The following HMCN1 variants were observed in gnomAD, a reference collection of about 807,000 sequenced individuals.
HMCN1 encodes hemicentin-1.
HMCN1 carries 321 observed loss-of-function variants against 625.9 expected under a neutral mutation model. That is an observed-to-expected ratio of 0.51 (90% CI 0.47 to 0.56). HMCN1 has a LOEUF of 0.56. Ranked by LOEUF, HMCN1 falls within the 20% of genes least tolerant of loss-of-function variation. The probability of loss-of-function intolerance (pLI) is 0.00; values close to 1 mark genes in which losing one functional copy is unlikely to be tolerated. For synonymous variants in HMCN1, 2,425 were observed against 2,417.6 expected (o/e 1.00, Z -0.09); for missense variants, 6,588 against 6,887.3 (o/e 0.96, Z 1.54).
At chr1:186,119,495 TA>T in intron 78 of HMCN1, among the ~76,000 whole-genome samples, 197 bp downstream of exon 78, 1 of 152,280 alleles carries the variant, frequency 6.6e-6, no homozygotes, top group African/African-American at 2.4e-5. Flanking sequence ...AACTCCAAAA[TA>T]ATTTTTCTTC....
chr1:185,828,259 CAG>C (rs925302799), intron 1 of HMCN1, among the ~76,000 whole-genome samples: 1 of 151,794 alleles, frequency 6.6e-6, no homozygotes, highest in Non-Finnish European at 1.5e-5. Context: ...ATGGATAAAA[CAG>C]GGAAAGAAAG....
chr1:185,864,444 A>G (rs370423546), intron 2 of HMCN1, 26 bp from the exon 3 acceptor site: 19 of 1,611,966 alleles, frequency 1.2e-5, no homozygotes, highest in Admixed American at 1.7e-5. Context: ...TGATGACGTA[A>G]TTGAATTTTT....
intron 5 of HMCN1, among the ~76,000 whole-genome samples, chr1:185,910,987 T>C (rs1198155258): frequency 6.6e-6 from 1 of 152,204 alleles, no homozygotes; most frequent in Non-Finnish European, 1.5e-5. Flanking sequence ...TTCCAACTAT[T>C]AGACACTTTA....
intron 2 of HMCN1, among the ~76,000 whole-genome samples, chr1:185,862,193 A>G (rs2102351117): frequency 6.6e-6 from 1 of 152,286 alleles, no homozygotes; most frequent in South Asian, 2.1e-4. Flanking sequence ...AGAAAGATAG[A>G]AAGATTATTT....
Position 185,838,110 on chromosome 1 carries a change from C to T in HMCN1, c.269-7916C>T, listed in dbSNP as rs559922397. Among the ~76,000 whole-genome samples the T allele has an allele frequency of 3.9e-5, 6 of 152,204 alleles. No individual in the cohort carries two copies. In the South Asian group the frequency reaches 6.2e-4, roughly 16 times the overall value. On this transcript the variant is annotated intron_variant, in intron 1 of 106. Coordinates refer to ENST00000271588, the MANE Select transcript of HMCN1 (RefSeq NM_031935.3). Reference sequence around the variant, plus strand: ...GTGGGCATCAGAAGGTTCTTCCTCACGATATAGGTTGTGCTTCACCTCTAG... The same window carrying T: ...GTGGGCATCAGAAGGTTCTTCCTCATGATATAGGTTGTGCTTCACCTCTAG...
chr1:185,782,292 CTT>C (rs1161579171), intron 1 of HMCN1, among the ~76,000 whole-genome samples: 3 of 152,114 alleles, frequency 2.0e-5, no homozygotes, highest in African/African-American at 4.8e-5. Flanking sequence ...GGTCTTGACT[CTT>C]TATCCAATTT....
intron 1 of HMCN1, among the ~76,000 whole-genome samples, chr1:185,793,230 G>T (rs937819397): frequency 6.6e-6 from 1 of 152,138 alleles, no homozygotes; most frequent in Non-Finnish European, 1.5e-5. Flanking sequence ...CAGTTCTAAA[G>T]GACAGAGGGT....
At chr1:186,164,191 G>A (rs6673945) in intron 97 of HMCN1, among the ~76,000 whole-genome samples, 21,385 of 151,250 alleles carry the variant, frequency 0.14, 2,710 homozygotes, top group African/African-American at 0.34. Flanking sequence ...GAGGTTTCTT[G>A]ACTAACCTGT....
intron 26 of HMCN1, among the ~76,000 whole-genome samples, chr1:186,000,535 C>T (rs970846273): frequency 1.4e-5 from 2 of 141,446 alleles, no homozygotes; most frequent in African/African-American, 2.7e-5. Flanking sequence ...AAGTTATCAG[C>T]GTGTAGGGTG....
chr1:185,756,141 G>A (rs566883184), intron 1 of HMCN1, among the ~76,000 whole-genome samples: 63 of 152,292 alleles, frequency 4.1e-4, no homozygotes, highest in African/African-American at 1.4e-3. Context: ...AATGGGTTTA[G>A]AATCTGGAGA....
chr1:186,115,527 C>T, intron 75 of HMCN1, 113 bp downstream of exon 75: 1 of 1,008,572 alleles, frequency 9.9e-7, no homozygotes. Flanking sequence ...AATTAGCTAG[C>T]ATATAGAGGG....
intron 74 of HMCN1, 126 bp from the exon 75 acceptor site, chr1:186,115,132 C>T: frequency 2.1e-6 from 3 of 1,400,800 alleles, no homozygotes; most frequent in Non-Finnish European, 3.0e-6. Flanking sequence ...TTAAAATTTG[C>T]AGAGTCTTGT....
At chr1:185,784,909 TC>T (rs1484761676) in intron 1 of HMCN1, among the ~76,000 whole-genome samples, 1 of 152,230 alleles carries the variant, frequency 6.6e-6, no homozygotes, top group African/African-American at 2.4e-5. Flanking sequence ...CAGCCATTGT[TC>T]TGATATCTGT....
rs114617970 is a variant in HMCN1, at chr1:186,102,506, G to A, written c.10574-966G>A. ...AAAGTGTATAATGTATCTCACTGAC[G>A]CCACACACTGATCCTATTAGGTAAA... On this transcript the variant is annotated intron_variant, in intron 68 of 106. Transcript: ENST00000271588. 2.8e-3 allele frequency among the ~76,000 whole-genome samples: 420 copies of A among 152,018 alleles called. 3 individuals are homozygous for A. The highest frequency in any genetic ancestry group is 9.6e-3 in the African/African-American group (397 of 41,490).
At chr1:186,060,035 T>G (rs1319658154) in intron 46 of HMCN1, among the ~76,000 whole-genome samples, 3 of 152,080 alleles carry the variant, frequency 2.0e-5, no homozygotes, top group African/African-American at 7.2e-5. Context: ...TGACATAAGT[T>G]TTTAAAGCAT....
chr1:185,857,583 G>A (rs565603057), intron 2 of HMCN1, among the ~76,000 whole-genome samples: 13 of 152,054 alleles, frequency 8.5e-5, no homozygotes, highest in African/African-American at 3.1e-4. Context: ...GACAGAGAGG[G>A]GTGTGGGGGA....
intron 36 of HMCN1, among the ~76,000 whole-genome samples, chr1:186,027,905 C>T (rs954370650): frequency 4.6e-5 from 7 of 152,050 alleles, no homozygotes; most frequent in Admixed American, 1.3e-4. Flanking sequence ...GTTCCTCTGT[C>T]GTTTTCTGTG....
At position 186,061,838 on chromosome 1, in the gene HMCN1, T is replaced by TTTGC. The variant is rs1303677320; in HGVS notation, c.7313-10_7313-7dup. On this transcript the variant is annotated splice_polypyrimidine_tract_variant and intron_variant, in intron 46 of 106. Coordinates refer to ENST00000271588, the MANE Select transcript of HMCN1 (RefSeq NM_031935.3). The stretch of plus-strand genomic sequence containing the variant: ...TTTTTAAGTTATCTTAAAAAGATGG[T>TTTGC]TTGCTTCTGCAGGAGGCAGGATGCT... 1 of 1,567,722 alleles carries TTTGC rather than the reference T, an allele frequency of 6.4e-7. No homozygotes were observed. The highest frequency in any genetic ancestry group is 8.8e-7 in the Non-Finnish European group (1 of 1,138,948).
intron 103 of HMCN1, 87 bp downstream of exon 103, chr1:186,174,729 C>T (rs1208987762): frequency 4.4e-6 from 5 of 1,130,130 alleles, no homozygotes; most frequent in Non-Finnish European, 6.7e-6. Flanking sequence ...TTTCTCTATC[C>T]TCAAATGGTC....
Sources: gnomAD v4.1 joint callset for allele counts (sites outside exome capture counted in the v4.1 genomes callset) on GRCh38, gnomAD v4.1.1 for gene constraint, MANE v1.5 for transcripts, NCBI Gene and HGNC (gene_info 2026-07-23, HGNC 2026-07-21) for gene names.